The following EFTUD2 variants were observed in gnomAD, a reference collection of about 807,000 sequenced individuals.
The protein encoded by EFTUD2 is elongation factor Tu GTP binding domain containing 2.
A neutral mutation model predicts 114.3 loss-of-function variants in EFTUD2; 9 were observed. The observed-to-expected ratio is 0.08, with a 90% CI of 0.05 to 0.14. The LOEUF (loss-of-function observed/expected upper bound fraction) is 0.14, where lower values mean the gene tolerates loss of function less well. Ranked by LOEUF, EFTUD2 falls within the 10% of genes least tolerant of loss-of-function variation. EFTUD2 has a pLI of 1.00. For synonymous variants in EFTUD2, 449 were observed against 462.3 expected (o/e 0.97, Z 0.37); for missense variants, 765 against 1,241.2 (o/e 0.62, Z 5.76).
At chr17:44,899,322 T>C (rs2051467847) in intron 1 of EFTUD2, 47 bp downstream of exon 1, 3 of 152,212 alleles carry the variant, frequency 2.0e-5, no homozygotes, top group Admixed American at 2.0e-4. Context: ...TAATTTCCTA[T>C]CCCACCTGGA....
In EFTUD2 at chr17:44,863,713, G is replaced by A. The variant is rs774290949; in HGVS notation, c.1355C>T (p.Thr452Ile). 30 of 1,614,084 alleles carry A rather than the reference G, an allele frequency of 1.9e-5. No homozygotes were observed. Among genetic ancestry groups the A allele is most frequent in the Non-Finnish European group, 2.5e-5 (29 of 1,180,024 alleles). ...GTCGGAGTCCACACCACCGGTGTAG[G>A]TGTGCTCAATCTTGGGCTTGGCGCC... is the stretch of plus-strand genomic sequence containing the variant. Reference protein sequence around the residue: ...KVGAKPKIEHTYTGGVDSDLG... With the variant: ...KVGAKPKIEHIYTGGVDSDLG... Residue 452 changes from threonine (T) to isoleucine (I), a missense_variant, in exon 15 of 28, where the codon ACC (threonine) becomes ATC (isoleucine). Physicochemically the swap from Thr to Ile is moderately conservative, Grantham distance 89. This residue lies in a region of EFTUD2 where 59 missense variants were observed against 50.1 expected (regional missense o/e 1.18). Coordinates refer to ENST00000426333, the MANE Select transcript of EFTUD2 (RefSeq NM_004247.4).
chr17:44,882,843 T>C (rs1292725599), intron 6 of EFTUD2, among the ~76,000 whole-genome samples: 2 of 152,162 alleles, frequency 1.3e-5, no homozygotes. Flanking sequence ...AGTCAGGATA[T>C]ATCATAACAG....
chr17:44,859,737 C>CAT, intron 18 of EFTUD2, 168 bp downstream of exon 18: 1 of 1,066,894 alleles, frequency 9.4e-7, no homozygotes, highest in Non-Finnish European at 1.4e-6. Flanking sequence ...CACACACACA[C>CAT]GTGTCTTGTC....
Position 44,859,943 on chromosome 17 carries a change from G to A in EFTUD2, c.1822C>T (p.Arg608Cys). 2 of 1,614,194 alleles carry A rather than the reference G, an allele frequency of 1.2e-6. No homozygotes were observed. Among genetic ancestry groups the A allele is most frequent in the South Asian group, 1.1e-5 (1 of 91,086 alleles). Residue 608 changes from arginine (R) to cysteine (C), a missense_variant, in exon 18 of 28, where the codon CGC (arginine) becomes TGC (cysteine). Coordinates refer to ENST00000426333, the MANE Select transcript of EFTUD2 (RefSeq NM_004247.4). ...GATGGATAGCTCTTGTTGACCTTGCGCAGGCCATCAAGCATCTTGGGCAGC... is the reference window on the plus strand; with the variant it reads ...GATGGATAGCTCTTGTTGACCTTGCACAGGCCATCAAGCATCTTGGGCAGC... ...SELPKMLDGL[R>C]KVNKSYPSLT... is the part of the protein sequence containing the mutation.
chr17:44,862,430 G>A lies in EFTUD2; in HGVS notation c.1607+283C>T, dbSNP rs991346998. Among the ~76,000 whole-genome samples, 11 of 152,172 alleles carry A rather than the reference G, an allele frequency of 7.2e-5. No homozygotes were observed. The South Asian group carries it at 2.1e-3, about 29-fold the overall frequency. On this transcript the variant is annotated intron_variant, in intron 16 of 27. Transcript: ENST00000426333. Reference sequence around the variant, plus strand: ...GGCCTAGGAGACAGAGTGAGACCCTGTCTCAAAACAAACAAATAGGGCTAA... The same window carrying A: ...GGCCTAGGAGACAGAGTGAGACCCTATCTCAAAACAAACAAATAGGGCTAA...
At chr17:44,874,242 G>C in intron 10 of EFTUD2, among the ~76,000 whole-genome samples, 1 of 151,966 alleles carries the variant, frequency 6.6e-6, no homozygotes, top group Admixed American at 6.6e-5. Context: ...ACAGAGTCTA[G>C]CTATGTTGCC....
intron 2 of EFTUD2, among the ~76,000 whole-genome samples, chr17:44,890,399 A>ATT (rs1189595653): frequency 2.4e-4 from 36 of 151,200 alleles, no homozygotes; most frequent in African/African-American, 8.2e-4. Context: ...ATATAATTAA[A>ATT]AAAAAAAATC....
intron 1 of EFTUD2, among the ~76,000 whole-genome samples, chr17:44,895,218 G>A (rs775839667): frequency 3.9e-5 from 6 of 152,226 alleles, no homozygotes; most frequent in African/African-American, 7.2e-5. Flanking sequence ...TTGGGAGGCC[G>A]GGCGCGGTGG....
intron 9 of EFTUD2, among the ~76,000 whole-genome samples, 158 bp from the exon 10 acceptor site, chr17:44,876,258 A>G (rs1021341316): frequency 6.6e-6 from 1 of 152,202 alleles, no homozygotes; most frequent in African/African-American, 2.4e-5. Flanking sequence ...TCCTGCCCGA[A>G]GATAGACACA....
chr17:44,876,128 T>G lies in EFTUD2; in HGVS notation c.703-28A>C, dbSNP rs563977926. On this transcript the variant is annotated intron_variant, in intron 9 of 27. Coordinates refer to ENST00000426333, the MANE Select transcript of EFTUD2 (RefSeq NM_004247.4). ...GAGAAAAACAAGGCTCAGAAGGTGGTAAGAAGAACAAGGAGGGCAGAAAGT... is the reference window on the plus strand; with the variant it reads ...GAGAAAAACAAGGCTCAGAAGGTGGGAAGAAGAACAAGGAGGGCAGAAAGT... The G allele has an allele frequency of 2.0e-5, 32 of 1,595,112 alleles. No homozygotes were observed. The South Asian group carries it at 3.4e-4, about 17-fold the overall frequency.
chr17:44,855,516 C>T (rs986402199), intron 20 of EFTUD2, among the ~76,000 whole-genome samples: 29 of 151,264 alleles, frequency 1.9e-4, no homozygotes, highest in African/African-American at 6.8e-4. Flanking sequence ...TGCAGTGAGC[C>T]GAGATTGTGC....
intron 1 of EFTUD2, among the ~76,000 whole-genome samples, chr17:44,897,415 C>T (rs1311690780): frequency 6.6e-6 from 1 of 152,072 alleles, no homozygotes; most frequent in Non-Finnish European, 1.5e-5. Context: ...ACTTTCTTTT[C>T]CCCAAATATT....
chr17:44,850,388 G>C lies in EFTUD2; in HGVS notation c.*886C>G. On this transcript the variant is annotated 3_prime_UTR_variant, in exon 28 of 28. Coordinates refer to ENST00000426333, the MANE Select transcript of EFTUD2 (RefSeq NM_004247.4). Reference sequence around the variant, plus strand: ...CAAGAGGATGGCACAGGATGCTGGAGAGAAGTAGGACTCCTATAGGAGCCG... The same window carrying C: ...CAAGAGGATGGCACAGGATGCTGGACAGAAGTAGGACTCCTATAGGAGCCG... The C allele has an allele frequency of 6.2e-7, 1 of 1,612,390 alleles. No homozygotes were observed. The highest frequency in any genetic ancestry group is 8.5e-7 in the Non-Finnish European group (1 of 1,178,874).
chr17:44,872,554 C>A lies in EFTUD2; in HGVS notation c.886G>T (p.Glu296Ter). Reference sequence around the variant, plus strand: ...AGGAGTGGGGAAAGGATCAGGTTCTCATCAGTGGAATACATGCTGAAACAG... The same window carrying A: ...AGGAGTGGGGAAAGGATCAGGTTCTAATCAGTGGAATACATGCTGAAACAG... ...NGLISMYSTD[E>*]NLILSPLLGN... Residue 296 changes from glutamate (E) to a stop codon, truncating the protein, a stop_gained, in exon 11 of 28, where the codon GAG becomes TAG. Transcript: ENST00000426333. LOFTEE classifies it high-confidence loss of function. The A allele has an allele frequency of 1.2e-6, 2 of 1,611,222 alleles. No individual in the cohort carries two copies. The highest frequency in any genetic ancestry group is 2.2e-5 in the South Asian group (2 of 90,848).
At chr17:44,885,434 TG>T in intron 3 of EFTUD2, 100 bp from the exon 4 acceptor site, 6 of 820,436 alleles carry the variant, frequency 7.3e-6, no homozygotes, top group Non-Finnish European at 8.3e-6. Flanking sequence ...GTATGATGTA[TG>T]ACATCAATTT....
intron 8 of EFTUD2, among the ~76,000 whole-genome samples, chr17:44,880,109 C>T (rs2051044103): frequency 1.3e-5 from 2 of 152,136 alleles, no homozygotes; most frequent in South Asian, 4.1e-4. Context: ...CTAAAACCTT[C>T]CAGTTTTTAA....
rs1261839161 is a variant in EFTUD2 at position 44,886,616 on chromosome 17, T to C, written c.240A>G (p.Ile80Met). 1 of 1,614,192 alleles carries C rather than the reference T, an allele frequency of 6.2e-7. No homozygotes were observed. Among genetic ancestry groups the C allele is most frequent in the African/African-American group, 1.3e-5 (1 of 75,056 alleles). The change falls in exon 3 of 28, where the codon ATA becomes ATG. Residue 80 changes from isoleucine (I) to methionine (M), a missense_variant. Physicochemically the swap from Ile to Met is conservative, Grantham distance 10. Around this residue, in one of 6 missense-constraint regions of EFTUD2, gnomAD observed 121 missense variants for 133.7 expected, o/e 0.90. Coordinates refer to ENST00000426333, the MANE Select transcript of EFTUD2 (RefSeq NM_004247.4). ...GAGGCTGAGTGTCTTCCTCTTGAAC[T>C]ATGGTCTCCACCTCAGGACCATACA... ...EEVYGPEVETIVQEEDTQPLT... is the reference protein window; with the variant it reads ...EEVYGPEVETMVQEEDTQPLT...
At chr17:44,885,468 A>T (rs2051151538) in intron 3 of EFTUD2, 134 bp from the exon 4 acceptor site, 1 of 659,592 alleles carries the variant, frequency 1.5e-6, no homozygotes, top group East Asian at 2.7e-5. Context: ...AGGATCACTC[A>T]TATGTTGAGA....
chr17:44,879,401 A>G, intron 9 of EFTUD2, 155 bp downstream of exon 9: 1 of 715,294 alleles, frequency 1.4e-6, no homozygotes, highest in South Asian at 1.8e-5. Context: ...TAATTTTGAA[A>G]CATTTGCTGC....
Sources: gnomAD v4.1 joint callset for allele counts (sites outside exome capture counted in the v4.1 genomes callset) on GRCh38, gnomAD v4.1.1 for gene constraint, gnomAD v4.1.1 regional missense constraint, MANE v1.5 for transcripts, NCBI Gene and HGNC (gene_info 2026-07-23, HGNC 2026-07-21) for gene names.